The following ARAP2 variants were observed in gnomAD, a reference collection of about 807,000 sequenced individuals.
The protein encoded by ARAP2 is ArfGAP with RhoGAP domain, ankyrin repeat and PH domain 2.
Under a neutral mutation model 194.5 loss-of-function variants are expected in ARAP2, and 148 were observed. The ratio of observed to expected loss-of-function variants is 0.76; its 90% CI spans 0.67 to 0.87. ARAP2 has a LOEUF of 0.87. Ranked by LOEUF, ARAP2 falls within the 40% of genes least tolerant of loss-of-function variation. The pLI is 0.00. For missense variants in ARAP2, 2,128 were observed against 1,989.7 expected (o/e 1.07, Z -1.32); for synonymous variants, 695 against 683.5 (o/e 1.02, Z -0.26).
At chr4:36,115,296 A>G (rs1291433721) in intron 25 of ARAP2, among the ~76,000 whole-genome samples, 1 of 152,048 alleles carries the variant, frequency 6.6e-6, no homozygotes, top group Non-Finnish European at 1.5e-5. Flanking sequence ...AAAGAAATAT[A>G]AACTTAAAAG....
intron 30 of ARAP2, among the ~76,000 whole-genome samples, chr4:36,080,501 A>G (rs1346623318): frequency 1.3e-5 from 2 of 152,184 alleles, no homozygotes; most frequent in Non-Finnish European, 2.9e-5. Flanking sequence ...ACAAAATACA[A>G]CTGAAGCCTT....
Position 36,068,080 on chromosome 4 carries a change from G to C in ARAP2, c.4942C>G (p.Pro1648Ala). 6.2e-7 allele frequency: 1 copy of C among 1,613,982 alleles called. No homozygotes were observed. The highest frequency in any genetic ancestry group is 8.5e-7 in the Non-Finnish European group (1 of 1,179,972). ...GTCTTTAGGCCTTTATGGCCTTTTG[G>C]TTGCCCAAGTGGGGCTTCAGGCTCT... is the stretch of plus-strand genomic sequence containing the variant. ...DTEPEAPLGQ[P>A]KGHKGLKTLR... is the part of the protein sequence containing the mutation. Residue 1648 changes from proline (P) to alanine (A), a missense_variant, in exon 33 of 33, where the codon CCA becomes GCA. Coordinates refer to ENST00000303965, the MANE Select transcript of ARAP2 (RefSeq NM_015230.4).
chr4:36,097,395 G>C (rs557448009), intron 27 of ARAP2, among the ~76,000 whole-genome samples: 108 of 152,136 alleles, frequency 7.1e-4, no homozygotes, highest in African/African-American at 2.5e-3. Flanking sequence ...GTTAAAATAA[G>C]TAGAAAGCCA....
intron 8 of ARAP2, among the ~76,000 whole-genome samples, chr4:36,186,923 A>C (rs970303725): frequency 1.3e-5 from 2 of 152,252 alleles, no homozygotes; most frequent in African/African-American, 4.8e-5. Flanking sequence ...ACAATGTAAT[A>C]ATAACAGAAC....
intron 6 of ARAP2, among the ~76,000 whole-genome samples, chr4:36,205,589 A>T (rs917229399): frequency 6.4e-5 from 8 of 124,034 alleles, no homozygotes; most frequent in Non-Finnish European, 1.2e-4. Flanking sequence ...CTCTGCAATA[A>T]AATGGTGTCC....
At position 36,210,746 on chromosome 4, in the gene ARAP2, A is replaced by G; in HGVS notation, c.1134-3T>C. On this transcript the variant is annotated splice_polypyrimidine_tract_variant and splice_region_variant and intron_variant, in intron 5 of 32. Transcript: ENST00000303965. ...TCTCCTTTCTGTTATCGTATATGCT[A>G]AACGGAAAAATGATGTAAACATTTC... is the stretch of plus-strand genomic sequence containing the variant. 6.4e-7 allele frequency: 1 copy of G among 1,557,644 alleles called. No homozygotes were observed. Among genetic ancestry groups the G allele is most frequent in the Non-Finnish European group, 8.7e-7 (1 of 1,154,868 alleles).
At chr4:36,008,745 T>C (rs1470170370) in intron 9 of ARAP2, among the ~76,000 whole-genome samples, 3 of 151,890 alleles carry the variant, frequency 2.0e-5, no homozygotes, top group African/African-American at 7.2e-5. Context: ...AAACTATCAA[T>C]GGAATAAACA....
At position 36,159,066 on chromosome 4, in the gene ARAP2, C is replaced by T. The variant is rs56908866; in HGVS notation, c.2618-202G>A. ...ATATTTATTATTCATATATGAAAAT[C>T]GGATTTAATGTTGGTGGAAATGATT... On this transcript the variant is annotated intron_variant, in intron 14 of 32. Coordinates refer to ENST00000303965, the MANE Select transcript of ARAP2 (RefSeq NM_015230.4). Among the ~76,000 whole-genome samples the T allele has an allele frequency of 8.1e-4, 124 of 152,170 alleles. 2 individuals are homozygous for T. The East Asian group carries it at 0.016, about 20-fold the overall frequency.
intron 6 of ARAP2, among the ~76,000 whole-genome samples, chr4:36,203,460 T>C (rs577816169): frequency 1.7e-3 from 264 of 152,232 alleles, no homozygotes; most frequent in African/African-American, 5.7e-3. Context: ...GATGTGTGCC[T>C]GTAATCCCAG....
chr4:36,171,192 A>G (rs1212271764), intron 9 of ARAP2, among the ~76,000 whole-genome samples: 1 of 152,228 alleles, frequency 6.6e-6, no homozygotes, highest in Non-Finnish European at 1.5e-5. Flanking sequence ...AAGATTATAA[A>G]TCATGCTGCT....
intron 31 of ARAP2, among the ~76,000 whole-genome samples, chr4:36,074,935 G>C (rs1727899211): frequency 6.6e-6 from 1 of 152,082 alleles, no homozygotes; most frequent in South Asian, 2.1e-4. Context: ...TGATCTTACA[G>C]TGCAGATCCT....
chr4:36,070,232 AGAGT>A (rs1349466584), intron 32 of ARAP2, among the ~76,000 whole-genome samples: 1 of 152,180 alleles, frequency 6.6e-6, no homozygotes, highest in Non-Finnish European at 1.5e-5. Flanking sequence ...TAGGGATGGG[AGAGT>A]GAGGAAGAAT....
intron 27 of ARAP2, among the ~76,000 whole-genome samples, chr4:36,104,210 C>A (rs1717779810): frequency 6.7e-6 from 1 of 148,670 alleles, no homozygotes; most frequent in Non-Finnish European, 1.5e-5. Context: ...ACCTTTTTTT[C>A]AAATTCTGAT....
intron 5 of ARAP2, among the ~76,000 whole-genome samples, chr4:36,039,262 C>A (rs941254801): frequency 6.6e-6 from 1 of 152,168 alleles, no homozygotes; most frequent in Non-Finnish European, 1.5e-5. Flanking sequence ...AAAAAATAAA[C>A]CATTTCCTGT....
At chr4:36,009,522 G>T (rs971988174) in intron 9 of ARAP2, among the ~76,000 whole-genome samples, 1 of 152,032 alleles carries the variant, frequency 6.6e-6, no homozygotes, top group Non-Finnish European at 1.5e-5. Flanking sequence ...CAAGAGGGGG[G>T]ATAAAGGGAG....
intron 5 of ARAP2, among the ~76,000 whole-genome samples, chr4:36,025,823 T>C (rs1717809323): frequency 1.3e-5 from 2 of 152,150 alleles, no homozygotes; most frequent in Admixed American, 6.6e-5. Context: ...TATTCATGAC[T>C]AAGAAGTTTG....
intron 3 of ARAP2, among the ~76,000 whole-genome samples, chr4:36,050,688 GTGGAATACCA>G (rs1329307423): frequency 4.6e-5 from 7 of 152,180 alleles, no homozygotes; most frequent in African/African-American, 1.7e-4. Flanking sequence ...CATTGCTCAA[GTGGAATACCA>G]TAAAATGGGA....
At chr4:36,014,607 A>G (rs1715445739) in intron 8 of ARAP2, among the ~76,000 whole-genome samples, 1 of 152,204 alleles carries the variant, frequency 6.6e-6, no homozygotes, top group Admixed American at 6.5e-5. Context: ...CAGAAATTCA[A>G]TAGCTTTTCT....
rs570402996 is a variant in ARAP2, at chr4:36,122,241, A to G, written c.3747-915T>C. On this transcript the variant is annotated intron_variant, in intron 22 of 32. Transcript: ENST00000303965. ...TCAAAGACCTAAAGACAGAAATATC[A>G]TTCAACCCAGCAATCCTATTACTAG... 2.0e-5 allele frequency among the ~76,000 whole-genome samples: 3 copies of G among 151,954 alleles called. No individual in the cohort carries two copies. The East Asian group carries it at 5.9e-4, about 30-fold the overall frequency.
Sources: allele counts gnomAD v4.1 joint callset (sites outside exome capture counted in the v4.1 genomes callset), GRCh38; gene constraint gnomAD v4.1.1; transcripts MANE v1.5; gene names NCBI Gene and HGNC (gene_info 2026-07-23, HGNC 2026-07-21).